PDE8A: variants seen among roughly 807,000 people sequenced by gnomAD.
The protein encoded by PDE8A is high affinity cAMP-specific and IBMX-insensitive 3',5'-cyclic phosphodiesterase 8A.
A neutral mutation model predicts 105.0 loss-of-function variants in PDE8A; 59 were observed. The ratio of observed to expected loss-of-function variants is 0.56; its 90% confidence interval spans 0.46 to 0.70. The LOEUF (loss-of-function observed/expected upper bound fraction) is 0.70. Ranked by LOEUF, PDE8A falls within the 30% of genes least tolerant of loss-of-function variation. PDE8A has a pLI of 0.00. For missense variants in PDE8A, 1,014 were observed against 1,045.9 expected (o/e 0.97, Z 0.42); for synonymous variants, 355 against 371.9 (o/e 0.95, Z 0.52).
chr15:85,084,814 G>GTAC (rs2081524257), intron 6 of PDE8A, among the ~76,000 whole-genome samples: 1 of 152,094 alleles, frequency 6.6e-6, no homozygotes, highest in African/African-American at 2.4e-5. Flanking sequence ...TTCCTCCTGT[G>GTAC]TACCTTAGCT....
chr15:85,021,833 G>C (rs945227774), intron 1 of PDE8A, among the ~76,000 whole-genome samples: 19 of 152,166 alleles, frequency 1.2e-4, no homozygotes, highest in African/African-American at 4.3e-4. Context: ...GATAGATTCA[G>C]GCTGTGCACG....
chr15:85,115,685 G>A (rs1032730053), intron 15 of PDE8A, 198 bp downstream of exon 15: 33 of 538,350 alleles, frequency 6.1e-5, no homozygotes, highest in African/African-American at 5.1e-4. Flanking sequence ...GGCTCACACC[G>A]CCGAGATGGG....
chr15:85,007,610 T>G (rs1200022622), intron 1 of PDE8A, among the ~76,000 whole-genome samples: 1 of 152,002 alleles, frequency 6.6e-6, no homozygotes, highest in African/African-American at 2.4e-5. Flanking sequence ...GCTCTGCAAC[T>G]TTATAGCTGT....
chr15:85,123,337 T>TACACACACACACACACACACACACAC (rs58421452), intron 19 of PDE8A, 144 bp downstream of exon 19: 36 of 330,428 alleles, frequency 1.1e-4, no homozygotes, highest in African/African-American at 4.8e-4. Context: ...ACTAATGGGA[T>TACACACACACACACACACACACACAC]ACACACACAC....
At chr15:84,984,233 C>T (rs77954243) in intron 1 of PDE8A, among the ~76,000 whole-genome samples, 1 of 152,108 alleles carries the variant, frequency 6.6e-6, no homozygotes, top group African/African-American at 2.4e-5. Flanking sequence ...TAGCCCCATA[C>T]TTGTTATTCA....
chr15:85,008,807 G>A (rs1183355218), intron 1 of PDE8A, among the ~76,000 whole-genome samples: 2 of 152,056 alleles, frequency 1.3e-5, no homozygotes, highest in African/African-American at 2.4e-5. Flanking sequence ...ATCTGCATTT[G>A]CTGAACCTCG....
intron 1 of PDE8A, among the ~76,000 whole-genome samples, chr15:85,055,578 C>G (rs2081046998): frequency 6.6e-6 from 1 of 152,102 alleles, no homozygotes; most frequent in Non-Finnish European, 1.5e-5. Context: ...CTTTCTTGGT[C>G]TCTTTTGATC....
chr15:84,995,493 A>T (rs550403162), intron 1 of PDE8A, among the ~76,000 whole-genome samples: 8 of 151,872 alleles, frequency 5.3e-5, no homozygotes, highest in Middle Eastern at 3.4e-3. Flanking sequence ...AATTAAAAAA[A>T]TTTTTTTTGT....
At chr15:85,015,267 C>T (rs1484911262) in intron 1 of PDE8A, among the ~76,000 whole-genome samples, 3 of 150,014 alleles carry the variant, frequency 2.0e-5, no homozygotes, top group Non-Finnish European at 4.4e-5. Context: ...GACAGGGTTG[C>T]CCAGGCTAGA....
intron 1 of PDE8A, chr15:85,064,133 G>C (rs1025540842): frequency 8.9e-6 from 4 of 451,240 alleles, no homozygotes; most frequent in Non-Finnish European, 1.6e-5. Context: ...GGCAAAGCCA[G>C]AATCACATTC....
intron 1 of PDE8A, among the ~76,000 whole-genome samples, chr15:84,985,882 G>A (rs2079794205): frequency 6.6e-6 from 1 of 152,086 alleles, no homozygotes; most frequent in Admixed American, 6.6e-5. Flanking sequence ...CTGTACCCAG[G>A]GAATAATATA....
At chr15:85,009,106 AGAGAGTGTGTGT>A (rs959649288) in intron 1 of PDE8A, among the ~76,000 whole-genome samples, 91 of 25,996 alleles carry the variant, frequency 3.5e-3, no homozygotes, top group African/African-American at 0.012. Flanking sequence ...AGAGAGAGAG[AGAGAGTGTGTGT>A]GTGTGTGTGT....
intron 1 of PDE8A, among the ~76,000 whole-genome samples, chr15:85,016,199 T>C (rs771741683): frequency 2.0e-5 from 3 of 152,232 alleles, no homozygotes; most frequent in Non-Finnish European, 4.4e-5. Flanking sequence ...TAAATTTTTA[T>C]GTAATTAATT....
chr15:85,104,274 C>T (rs531671034), intron 11 of PDE8A, among the ~76,000 whole-genome samples: 2 of 152,020 alleles, frequency 1.3e-5, no homozygotes, highest in Non-Finnish European at 2.9e-5. Flanking sequence ...GGAATGCTTC[C>T]CAGCAATGAT....
At chr15:85,116,816 C>G (rs1338536736) in intron 16 of PDE8A, among the ~76,000 whole-genome samples, 1 of 152,210 alleles carries the variant, frequency 6.6e-6, no homozygotes, top group Non-Finnish European at 1.5e-5. Context: ...TTTTCAGGCT[C>G]CCCTTGAGTT....
At chr15:85,012,121 AT>A (rs1207136298) in intron 1 of PDE8A, among the ~76,000 whole-genome samples, 7 of 152,348 alleles carry the variant, frequency 4.6e-5, no homozygotes, top group Admixed American at 1.3e-4. Flanking sequence ...TAGTTCAACC[AT>A]TGTGGAAGTC....
At chr15:85,010,574 GTTTAA>G (rs951766216) in intron 1 of PDE8A, among the ~76,000 whole-genome samples, 2 of 152,164 alleles carry the variant, frequency 1.3e-5, no homozygotes. Context: ...CTCTCCTGAT[GTTTAA>G]ACTTGAGGAC....
chr15:85,123,637 G>T (rs761241877), intron 19 of PDE8A, among the ~76,000 whole-genome samples: 2 of 152,098 alleles, frequency 1.3e-5, no homozygotes, highest in Non-Finnish European at 2.9e-5. Flanking sequence ...CAGATTAAGG[G>T]TGGATCTGCC....
chr15:85,033,187 G>C (rs1489485722), intron 1 of PDE8A, among the ~76,000 whole-genome samples: 1 of 152,196 alleles, frequency 6.6e-6, no homozygotes, highest in Non-Finnish European at 1.5e-5. Flanking sequence ...CTCAGGAAAA[G>C]AGAGAGACAT....
Sources: allele counts gnomAD v4.1 joint callset (sites outside exome capture counted in the v4.1 genomes callset), GRCh38; gene constraint gnomAD v4.1.1; transcripts MANE v1.5; gene names NCBI Gene and HGNC (gene_info 2026-07-23, HGNC 2026-07-21).